Variants in PKHD1 observed in about 807,000 individuals in gnomAD.
PKHD1 encodes PKHD1 ciliary IPT domain containing fibrocystin/polyductin.
A neutral mutation model predicts 412.0 loss-of-function variants in PKHD1; 291 were observed. The observed-to-expected ratio is 0.71, with a 90% CI of 0.64 to 0.78. PKHD1 has a LOEUF of 0.78. Among genes scored for constraint, PKHD1 ranks in the 30% least tolerant of loss-of-function variants. PKHD1 has a pLI of 0.00. For synonymous variants in PKHD1, 1,777 were observed against 1,821.5 expected (o/e 0.98, Z 0.62); for missense variants, 4,825 against 4,950.7 (o/e 0.97, Z 0.76).
intron 55 of PKHD1, among the ~76,000 whole-genome samples, chr6:51,768,473 G>A (rs762365632): frequency 2.0e-5 from 3 of 151,786 alleles, no homozygotes; most frequent in Non-Finnish European, 4.4e-5. Context: ...CTAGATATTT[G>A]CAGTTGAAAT....
chr6:51,979,443 C>T (rs1309534642), intron 35 of PKHD1, among the ~76,000 whole-genome samples: 1 of 152,100 alleles, frequency 6.6e-6, no homozygotes, highest in Non-Finnish European at 1.5e-5. Context: ...GATCTCTCTG[C>T]TTCCAATCCC....
At chr6:51,969,183 C>T (rs558693635) in intron 35 of PKHD1, among the ~76,000 whole-genome samples, 8 of 152,250 alleles carry the variant, frequency 5.3e-5, no homozygotes, top group African/African-American at 1.7e-4. Flanking sequence ...GGCTAGAACC[C>T]AAGAACAGCC....
At chr6:51,883,448 A>G (rs1777701233) in intron 45 of PKHD1, among the ~76,000 whole-genome samples, 1 of 152,160 alleles carries the variant, frequency 6.6e-6, no homozygotes. Context: ...ATTTCTCCTC[A>G]TAATAACCAA....
intron 35 of PKHD1, among the ~76,000 whole-genome samples, chr6:52,007,207 A>G (rs977459408): frequency 6.6e-6 from 1 of 152,248 alleles, no homozygotes. Context: ...CTAGATACCC[A>G]GTAATGGGAT....
Position 51,801,154 on chromosome 6 carries a change from C to T in PKHD1, c.8303-9781G>A, listed in dbSNP as rs148844497. ...TGATATTTTCTTTCTTTTGTGGTCT[C>T]GTTTAACTTTGGAGGCATCTAACAA... On this transcript the variant is annotated intron_variant, in intron 52 of 66. Coordinates refer to ENST00000371117, the MANE Select transcript of PKHD1 (RefSeq NM_138694.4). Among the ~76,000 whole-genome samples the T allele has an allele frequency of 4.1e-3, 625 of 152,154 alleles. 4 individuals are homozygous for T. Among genetic ancestry groups the T allele is most frequent in the African/African-American group, 0.014 (575 of 41,520 alleles).
chr6:51,631,371 G>A (rs1767902600), intron 65 of PKHD1, among the ~76,000 whole-genome samples: 1 of 152,090 alleles, frequency 6.6e-6, no homozygotes, highest in South Asian at 2.1e-4. Flanking sequence ...GTCCAGTCCT[G>A]ATCAACAGGA....
At chr6:51,709,798 A>G (rs940236777) in intron 60 of PKHD1, among the ~76,000 whole-genome samples, 2 of 152,166 alleles carry the variant, frequency 1.3e-5, no homozygotes, top group Non-Finnish European at 2.9e-5. Context: ...CATTTAATGA[A>G]TAAATACACA....
chr6:52,045,737 T>G (rs537699917), intron 24 of PKHD1, among the ~76,000 whole-genome samples: 1 of 152,310 alleles, frequency 6.6e-6, no homozygotes, highest in African/African-American at 2.4e-5. Context: ...TGTAGAATTA[T>G]TGCATGGTGG....
At chr6:51,850,038 A>G (rs992160820) in intron 49 of PKHD1, among the ~76,000 whole-genome samples, 1 of 152,150 alleles carries the variant, frequency 6.6e-6, no homozygotes, top group African/African-American at 2.4e-5. Flanking sequence ...TTTTTCATGT[A>G]AGTCTTTAAT....
chr6:51,771,861 C>T (rs1389164321), intron 55 of PKHD1, among the ~76,000 whole-genome samples: 2 of 152,072 alleles, frequency 1.3e-5, no homozygotes, highest in East Asian at 3.9e-4. Flanking sequence ...ATAGATGTGG[C>T]ATCACGATCT....
intron 60 of PKHD1, among the ~76,000 whole-genome samples, chr6:51,684,137 C>T (rs760384601): frequency 4.6e-5 from 7 of 151,970 alleles, no homozygotes; most frequent in Admixed American, 2.6e-4. Context: ...GCAAACTGAG[C>T]GGTGTGTTTT....
At chr6:52,055,786 C>T (rs1807634456) in intron 18 of PKHD1, 57 bp from the exon 19 acceptor site, 1 of 1,576,894 alleles carries the variant, frequency 6.3e-7, no homozygotes, top group African/African-American at 1.3e-5. Context: ...AAAGACAGAG[C>T]TTCCCTACAT....
In PKHD1 at chr6:52,084,935, C is replaced by T. The variant is rs1582169248; in HGVS notation, c.-2G>A. 1.3e-6 allele frequency: 2 copies of T among 1,598,284 alleles called. No homozygotes were observed. The highest frequency in any genetic ancestry group is 1.7e-6 in the Non-Finnish European group (2 of 1,165,644). On this transcript the variant is annotated 5_prime_UTR_variant, in exon 2 of 67. Coordinates refer to ENST00000371117, the MANE Select transcript of PKHD1 (RefSeq NM_138694.4). The stretch of plus-strand genomic sequence containing the variant: ...CAGAGAGATCAGCCAGGCAGTCATT[C>T]TGTCCACTTAAATCAATACTCTTAA...
chr6:51,646,634 C>T (rs1481059674), intron 63 of PKHD1, among the ~76,000 whole-genome samples: 1 of 152,164 alleles, frequency 6.6e-6, no homozygotes, highest in Non-Finnish European at 1.5e-5. Flanking sequence ...AAAACTCTTG[C>T]TTTTTGCTCC....
intron 60 of PKHD1, among the ~76,000 whole-genome samples, chr6:51,676,962 A>G (rs1031182691): frequency 6.6e-6 from 1 of 152,188 alleles, no homozygotes; most frequent in Non-Finnish European, 1.5e-5. Flanking sequence ...AATAGATTCA[A>G]TATAGGTGAT....
At chr6:51,686,952 A>G (rs1777522980) in intron 60 of PKHD1, among the ~76,000 whole-genome samples, 2 of 152,218 alleles carry the variant, frequency 1.3e-5, no homozygotes, top group Non-Finnish European at 2.9e-5. Context: ...TTCAGAGGCC[A>G]GATATGAAGT....
intron 8 of PKHD1, 49 bp downstream of exon 8, chr6:52,072,065 TG>T: frequency 9.8e-7 from 1 of 1,021,722 alleles, no homozygotes; most frequent in Non-Finnish European, 1.6e-6. Context: ...GTTGTATCCA[TG>T]TGGACGAACT....
intron 54 of PKHD1, among the ~76,000 whole-genome samples, chr6:51,774,269 C>T (rs1314573152): frequency 6.6e-6 from 1 of 151,986 alleles, no homozygotes; most frequent in Non-Finnish European, 1.5e-5. Flanking sequence ...TTGTCATCTA[C>T]TTATGATACT....
rs1166219544 is a variant in PKHD1, at chr6:51,885,924, G to A, written c.7158C>T (p.Val2386=). Residue 2386 remains valine, a synonymous_variant, in exon 45 of 67, where the codon GTC becomes GTT. Coordinates refer to ENST00000371117, the MANE Select transcript of PKHD1 (RefSeq NM_138694.4). ...YPKFQPPWDN[V]TGTTLFQSFT... ...AGCTCTGGAACAGAGTGGTGCCAGT[G>A]ACATTATCCCAAGGTGGCTGAAATT... 2 of 1,613,450 alleles carry A rather than the reference G, an allele frequency of 1.2e-6. No individual in the cohort carries two copies. Among genetic ancestry groups the A allele is most frequent in the Non-Finnish European group, 1.7e-6 (2 of 1,179,480 alleles).
Sources: allele counts gnomAD v4.1 joint callset (sites outside exome capture counted in the v4.1 genomes callset), GRCh38; gene constraint gnomAD v4.1.1; transcripts MANE v1.5; gene names NCBI Gene and HGNC (gene_info 2026-07-23, HGNC 2026-07-21).